The following GCH1 variants were observed in gnomAD, a reference collection of about 807,000 sequenced individuals.
GCH1 encodes the protein GTP cyclohydrolase 1.
Under a neutral mutation model 25.9 loss-of-function variants are expected in GCH1, and 5 were observed. The ratio of observed to expected loss-of-function variants is 0.19; its 90% CI spans 0.10 to 0.41. The LOEUF (loss-of-function observed/expected upper bound fraction) is 0.41. Among genes scored for constraint, GCH1 ranks in the 10% least tolerant of loss-of-function variants. The pLI, the probability that GCH1 is intolerant of heterozygous loss-of-function variation, is 1.00. For synonymous variants in GCH1, 159 were observed against 129.6 expected (o/e 1.23, Z -1.54); for missense variants, 261 against 336.5 (o/e 0.78, Z 1.75).
At chr14:54,883,614 G>A (rs542115922) in intron 1 of GCH1, among the ~76,000 whole-genome samples, 2 of 152,138 alleles carry the variant, frequency 1.3e-5, no homozygotes, top group Admixed American at 6.5e-5. Context: ...AGGAGGTGGA[G>A]CTTGCAGTGA....
At chr14:54,867,202 T>C (rs1436462676) in intron 1 of GCH1, among the ~76,000 whole-genome samples, 1 of 152,182 alleles carries the variant, frequency 6.6e-6, no homozygotes, top group Non-Finnish European at 1.5e-5. Flanking sequence ...ATTTGTTTTC[T>C]CTGGCAAAGA....
chr14:54,849,218 G>A (rs2039689215), intron 3 of GCH1, among the ~76,000 whole-genome samples: 1 of 152,168 alleles, frequency 6.6e-6, no homozygotes, highest in African/African-American at 2.4e-5. Context: ...TGGTGAACAT[G>A]CTCTCTGTGC....
At chr14:54,889,260 C>G (rs2040394689) in intron 1 of GCH1, among the ~76,000 whole-genome samples, 1 of 152,226 alleles carries the variant, frequency 6.6e-6, no homozygotes, top group Non-Finnish European at 1.5e-5. Flanking sequence ...AGCGACCTCA[C>G]TGAGTTAAGG....
At position 54,879,971 on chromosome 14, in the gene GCH1, T is replaced by G. The variant is rs1488236165; in HGVS notation, c.344-14535A>C. On this transcript the variant is annotated intron_variant, in intron 1 of 5. Coordinates refer to ENST00000491895, the MANE Select transcript of GCH1 (RefSeq NM_000161.3). ...CAGCACTCCAGCCTGGGTGACAGAG[T>G]AAGGCTCTGTCTCAAAAAAAAAAAA... 2.0e-4 allele frequency among the ~76,000 whole-genome samples: 21 copies of G among 104,336 alleles called. No individual in the cohort carries two copies. The South Asian group carries it at 5.4e-3, about 27-fold the overall frequency. The allele number at this position is 104,336 out of a possible 152,430, so 68.4% of individuals were successfully genotyped here.
intron 1 of GCH1, among the ~76,000 whole-genome samples, chr14:54,900,413 T>A (rs1031367371): frequency 1.3e-5 from 2 of 151,448 alleles, no homozygotes; most frequent in East Asian, 3.9e-4. Context: ...GGTTTCGCCA[T>A]GTTGACCGGG....
intron 2 of GCH1, among the ~76,000 whole-genome samples, chr14:54,861,611 T>C (rs987908939): frequency 1.3e-5 from 2 of 151,576 alleles, no homozygotes; most frequent in Non-Finnish European, 2.9e-5. Context: ...TAATCCCAGC[T>C]ATTCGAGAGG....
chr14:54,845,504 C>A (rs956735360), intron 5 of GCH1, among the ~76,000 whole-genome samples: 4 of 150,956 alleles, frequency 2.6e-5, no homozygotes, highest in African/African-American at 9.8e-5. Context: ...ATTGATTATG[C>A]AAATCTCTAC....
At chr14:54,880,348 AATAAT>A (rs1288940585) in intron 1 of GCH1, among the ~76,000 whole-genome samples, 1 of 145,306 alleles carries the variant, frequency 6.9e-6, no homozygotes. Context: ...AAATTTCATT[AATAAT>A]ATATTATAAA....
At chr14:54,855,150 G>C (rs890443534) in intron 3 of GCH1, among the ~76,000 whole-genome samples, 1 of 152,156 alleles carries the variant, frequency 6.6e-6, no homozygotes, top group Admixed American at 6.5e-5. Context: ...GCTATGAAAA[G>C]AAACTTGGAC....
At position 54,844,064 on chromosome 14, in the gene GCH1, C is replaced by T; in HGVS notation, c.706G>A (p.Glu236Lys). 6.2e-7 allele frequency: 1 copy of T among 1,614,044 alleles called. No individual in the cohort carries two copies. Among genetic ancestry groups the T allele is most frequent in the Non-Finnish European group, 8.5e-7 (1 of 1,179,920 alleles). Residue 236 changes from glutamate (E) to lysine (K), a missense_variant, in exon 6 of 6, where the codon GAG becomes AAG. Coordinates refer to ENST00000491895, the MANE Select transcript of GCH1 (RefSeq NM_000161.3). ...AACTCTTCCCGAGTCTTTGGATCCT[C>T]CCGGAACACACCCAACATTGTGCTG... ...VTSTMLGVFREDPKTREEFLT... is the reference protein window; with the variant it reads ...VTSTMLGVFRKDPKTREEFLT...
chr14:54,846,742 C>G (rs1220260825), intron 4 of GCH1, among the ~76,000 whole-genome samples: 1 of 152,094 alleles, frequency 6.6e-6, no homozygotes, highest in Non-Finnish European at 1.5e-5. Context: ...AGTAATAAAA[C>G]AAAAAATACT....
chr14:54,858,479 T>C (rs1325554856), intron 3 of GCH1, among the ~76,000 whole-genome samples: 1 of 151,930 alleles, frequency 6.6e-6, no homozygotes, highest in East Asian at 1.9e-4. Context: ...AGAGATGGGG[T>C]TTCACCATGT....
At position 54,843,700 on chromosome 14, in the gene GCH1, AC is replaced by A. The variant is rs1566658503; in HGVS notation, c.*316del. 1 of 1,609,304 alleles carries A rather than the reference AC, an allele frequency of 6.2e-7. No homozygotes were observed. Among genetic ancestry groups the A allele is most frequent in the Non-Finnish European group, 8.5e-7 (1 of 1,178,526 alleles). Reference sequence around the variant, plus strand: ...CTATGCTTATGAGGCAAATTACTGTACTATTTGAAAAAAATACACTAATTCT... The same window carrying A: ...CTATGCTTATGAGGCAAATTACTGTATATTTGAAAAAAATACACTAATTCT... On this transcript the variant is annotated 3_prime_UTR_variant, in exon 6 of 6. Transcript: ENST00000491895.
chr14:54,893,559 A>C (rs918444538), intron 1 of GCH1, among the ~76,000 whole-genome samples: 1 of 152,212 alleles, frequency 6.6e-6, no homozygotes, highest in Non-Finnish European at 1.5e-5. Flanking sequence ...GTAAAATATT[A>C]TTATTAAAAT....
At chr14:54,879,059 C>A (rs908060094) in intron 1 of GCH1, among the ~76,000 whole-genome samples, 1 of 152,050 alleles carries the variant, frequency 6.6e-6, no homozygotes, top group Non-Finnish European at 1.5e-5. Flanking sequence ...CACGCTGGAC[C>A]AATTCACTTC....
intron 3 of GCH1, among the ~76,000 whole-genome samples, chr14:54,857,773 TA>T (rs1172617236): frequency 1.3e-5 from 2 of 152,230 alleles, no homozygotes; most frequent in Admixed American, 1.3e-4. Flanking sequence ...GAGTCGTTAA[TA>T]AAAATTATAG....
chr14:54,880,893 C>T (rs1046039511), intron 1 of GCH1, among the ~76,000 whole-genome samples: 1 of 146,758 alleles, frequency 6.8e-6, no homozygotes, highest in Non-Finnish European at 1.5e-5. Flanking sequence ...GCTGCAATCT[C>T]GGCTTACCGC....
intron 4 of GCH1, among the ~76,000 whole-genome samples, chr14:54,846,508 T>A (rs570371624): frequency 3.9e-5 from 6 of 152,224 alleles, no homozygotes; most frequent in African/African-American, 1.2e-4. Flanking sequence ...TTAAGATTTG[T>A]TAAATGAAAA....
intron 1 of GCH1, chr14:54,878,079 C>T (rs1488464653): frequency 1.3e-5 from 2 of 154,660 alleles, no homozygotes; most frequent in African/African-American, 4.8e-5. Context: ...TATTTAAGGA[C>T]AAACAGACCT....
Sources: allele counts gnomAD v4.1 joint callset (sites outside exome capture counted in the v4.1 genomes callset), GRCh38; gene constraint gnomAD v4.1.1; transcripts MANE v1.5; gene names NCBI Gene and HGNC (gene_info 2026-07-23, HGNC 2026-07-21).